The following GPR39 variants were observed in gnomAD, a reference collection of about 807,000 sequenced individuals.
GPR39 encodes G protein-coupled receptor 39.
A neutral mutation model predicts 18.4 loss-of-function variants in GPR39; 23 were observed. That is an observed-to-expected ratio of 1.25 (90% CI 0.90 to 1.77). The LOEUF (loss-of-function observed/expected upper bound fraction) is 1.77, where lower values mean the gene tolerates loss of function less well. Ranked by LOEUF, GPR39 falls within the 40% of genes most tolerant of loss-of-function variation. The pLI, the probability that GPR39 is intolerant of heterozygous loss-of-function variation, is 0.00. For missense variants in GPR39, 647 were observed against 602.4 expected (o/e 1.07, Z -0.78); for synonymous variants, 280 against 257.9 (o/e 1.09, Z -0.82).
chr2:132,482,542 G>A (rs915970479), intron 1 of GPR39, among the ~76,000 whole-genome samples: 39 of 152,158 alleles, frequency 2.6e-4, no homozygotes, highest in African/African-American at 8.9e-4. Context: ...GCAAGTGGAC[G>A]AGCAGTTCAG....
intron 1 of GPR39, among the ~76,000 whole-genome samples, chr2:132,569,012 C>G (rs759409981): frequency 3.9e-5 from 6 of 152,036 alleles, no homozygotes; most frequent in Non-Finnish European, 7.3e-5. Flanking sequence ...CAATGAAATG[C>G]ATAGACTAAG....
chr2:132,477,978 C>T (rs1046818598), intron 1 of GPR39, among the ~76,000 whole-genome samples: 1 of 152,188 alleles, frequency 6.6e-6, no homozygotes, highest in Non-Finnish European at 1.5e-5. Flanking sequence ...AAAATCAATA[C>T]CATAACCTAC....
chr2:132,494,771 A>G (rs1430051850), intron 1 of GPR39, among the ~76,000 whole-genome samples: 1 of 152,016 alleles, frequency 6.6e-6, no homozygotes, highest in Non-Finnish European at 1.5e-5. Context: ...TTTTCCATTT[A>G]TCTGATTTCC....
At chr2:132,532,437 TC>T (rs1679657363) in intron 1 of GPR39, among the ~76,000 whole-genome samples, 1 of 152,112 alleles carries the variant, frequency 6.6e-6, no homozygotes, top group Non-Finnish European at 1.5e-5. Flanking sequence ...GTGGTACCAT[TC>T]CTTCTGAAAC....
intron 1 of GPR39, among the ~76,000 whole-genome samples, chr2:132,639,476 T>C (rs1681821944): frequency 6.6e-6 from 1 of 152,122 alleles, no homozygotes; most frequent in Non-Finnish European, 1.5e-5. Flanking sequence ...CAACAGTAAG[T>C]AGAAAAGCTA....
intron 1 of GPR39, among the ~76,000 whole-genome samples, chr2:132,579,045 G>A (rs1680579063): frequency 6.6e-6 from 1 of 151,204 alleles, no homozygotes; most frequent in Non-Finnish European, 1.5e-5. Flanking sequence ...CTTGAGGGTG[G>A]AAGCCTAGAT....
intron 1 of GPR39, among the ~76,000 whole-genome samples, chr2:132,584,804 T>A (rs1265419424): frequency 6.6e-6 from 1 of 152,230 alleles, no homozygotes. Flanking sequence ...TTACCAGTGT[T>A]CGCTCCCCCA....
At chr2:132,568,856 A>G (rs1478035067) in intron 1 of GPR39, among the ~76,000 whole-genome samples, 2 of 152,032 alleles carry the variant, frequency 1.3e-5, no homozygotes, top group African/African-American at 4.8e-5. Flanking sequence ...CTTAGCTCTA[A>G]AGCTGTTCAC....
At chr2:132,543,306 A>G (rs142517849) in intron 1 of GPR39, among the ~76,000 whole-genome samples, 17 of 152,024 alleles carry the variant, frequency 1.1e-4, no homozygotes, top group African/African-American at 3.4e-4. Flanking sequence ...AGACTGAGAC[A>G]CTCCATATTG....
chr2:132,580,058 A>T (rs1680596549), intron 1 of GPR39, among the ~76,000 whole-genome samples: 1 of 152,258 alleles, frequency 6.6e-6, no homozygotes, highest in South Asian at 2.1e-4. Context: ...TATGAGAGGT[A>T]GTGTTGGCAA....
intron 1 of GPR39, among the ~76,000 whole-genome samples, chr2:132,558,561 G>A (rs992507685): frequency 1.3e-5 from 2 of 152,180 alleles, no homozygotes; most frequent in African/African-American, 4.8e-5. Flanking sequence ...TGGGGGCACC[G>A]GGAAGCATTT....
At chr2:132,601,621 A>G (rs983395718) in intron 1 of GPR39, among the ~76,000 whole-genome samples, 10 of 152,164 alleles carry the variant, frequency 6.6e-5, no homozygotes, top group Non-Finnish European at 1.2e-4. Context: ...ACTGAAAAAA[A>G]GGCAATCAAA....
chr2:132,537,004 G>C (rs1441247846), intron 1 of GPR39, among the ~76,000 whole-genome samples: 2 of 152,088 alleles, frequency 1.3e-5, no homozygotes, highest in African/African-American at 4.8e-5. Flanking sequence ...CACACCCGTG[G>C]GTCTTGACTC....
chr2:132,526,331 G>C (rs1215598367), intron 1 of GPR39, among the ~76,000 whole-genome samples: 1 of 152,184 alleles, frequency 6.6e-6, no homozygotes, highest in Non-Finnish European at 1.5e-5. Context: ...AGAAGCTGCA[G>C]CAGTGAGGGA....
chr2:132,538,205 G>A (rs1186475798), intron 1 of GPR39, among the ~76,000 whole-genome samples: 1 of 152,140 alleles, frequency 6.6e-6, no homozygotes, highest in Non-Finnish European at 1.5e-5. Context: ...TATCTTTGAG[G>A]CTGATGACCT....
chr2:132,461,458 A>C (rs1351522144), intron 1 of GPR39, among the ~76,000 whole-genome samples: 2 of 152,236 alleles, frequency 1.3e-5, no homozygotes, highest in African/African-American at 4.8e-5. Context: ...TTTTGAAAGT[A>C]ATATACCAAA....
intron 1 of GPR39, among the ~76,000 whole-genome samples, chr2:132,423,458 A>G (rs7420924): frequency 1.3e-5 from 2 of 152,178 alleles, no homozygotes; most frequent in African/African-American, 2.4e-5. Context: ...TTTGCAGGGG[A>G]CACAGTTCAG....
At chr2:132,531,912 T>A (rs1339564073) in intron 1 of GPR39, among the ~76,000 whole-genome samples, 1 of 152,118 alleles carries the variant, frequency 6.6e-6, no homozygotes, top group Non-Finnish European at 1.5e-5. Flanking sequence ...GATATAAAAT[T>A]GACACCATAA....
At chr2:132,457,080 A>C (rs183737595) in intron 1 of GPR39, among the ~76,000 whole-genome samples, 26 of 152,272 alleles carry the variant, frequency 1.7e-4, no homozygotes, top group Admixed American at 1.6e-3. Flanking sequence ...GTGTTTTCCA[A>C]CTTGGTTCCA....
Sources: allele counts gnomAD v4.1 joint callset (sites outside exome capture counted in the v4.1 genomes callset), GRCh38; gene constraint gnomAD v4.1.1; transcripts MANE v1.5; gene names NCBI Gene and HGNC (gene_info 2026-07-23, HGNC 2026-07-21).